Variants in HS6ST2 observed in about 807,000 individuals in gnomAD.
HS6ST2 encodes the protein heparan-sulfate 6-O-sulfotransferase 2.
In HS6ST2, 17 loss-of-function variants were observed where a neutral mutation model predicts 33.0. The ratio of observed to expected loss-of-function variants is 0.52; its 90% CI spans 0.35 to 0.77. The LOEUF (loss-of-function observed/expected upper bound fraction) is 0.77, where lower values mean the gene tolerates loss of function less well. Ranked by LOEUF, HS6ST2 falls within the 30% of genes least tolerant of loss-of-function variation. The pLI is 0.01. For synonymous variants in HS6ST2, 248 were observed against 237.1 expected, an observed-to-expected ratio of 1.05 and a Z score of -0.42; for missense variants, 519 against 551.7, an observed-to-expected ratio of 0.94 and a Z score of 0.59.
intron 2 of HS6ST2, among the ~76,000 whole-genome samples, chrX:132,851,686 G>A (rs1366804177): frequency 2.7e-5 from 3 of 111,646 alleles, no homozygotes; most frequent in Non-Finnish European, 3.8e-5. Flanking sequence ...TCCATAAGGG[G>A]AAGAAAATTG....
chrX:132,856,760 T>C (rs1465418657), intron 2 of HS6ST2, among the ~76,000 whole-genome samples: 8 of 111,016 alleles, frequency 7.2e-5, no homozygotes, highest in Non-Finnish European at 1.3e-4. Flanking sequence ...AAAAACAACA[T>C]CCCCAAAATA....
In HS6ST2 at chrX:132,958,468, C is replaced by G. The variant is rs1488939688; in HGVS notation, c.135G>C (p.Ser45=). The G allele has an allele frequency of 1.7e-6, 2 of 1,195,363 alleles. No individual in the cohort carries two copies. Among genetic ancestry groups the G allele is most frequent in the African/African-American group, 1.7e-5 (1 of 57,150 alleles). The change falls in exon 1 of 5, where the codon TCG becomes TCC. Residue 45 remains serine, a synonymous_variant. Coordinates refer to ENST00000370833, the MANE Select transcript of HS6ST2 (RefSeq NM_001394073.1). The part of the protein sequence containing the change: ...EAELAASRPG[S]VAASVRAGPP... ...GGCCCGCGCGAACTGAGGCGGCGAC[C>G]GACCCGGGCCGGCTCGCTGCCAATT...
At position 132,837,925 on chromosome X, in the gene HS6ST2, A is replaced by G. The variant is rs188858261; in HGVS notation, c.947+118883T>C. Among the ~76,000 whole-genome samples the G allele has an allele frequency of 2.0e-3, 222 of 112,043 alleles. 1 individual carries two copies. Among genetic ancestry groups the G allele is most frequent in the African/African-American group, 7.0e-3 (215 of 30,802 alleles). ...TGTGAACAATTAACATGAGACGCAA[A>G]TAGCCATAATAAATACATATTTTTT... On this transcript the variant is annotated intron_variant, in intron 2 of 4. Coordinates refer to ENST00000370833, the MANE Select transcript of HS6ST2 (RefSeq NM_001394073.1).
At chrX:132,731,474 A>G (rs1035158897) in intron 2 of HS6ST2, among the ~76,000 whole-genome samples, 8 of 111,420 alleles carry the variant, frequency 7.2e-5, no homozygotes, top group Non-Finnish European at 1.5e-4. Context: ...GACCCCTAAG[A>G]TACATCCCGA....
chrX:132,638,938 T>G (rs243447), intron 4 of HS6ST2, among the ~76,000 whole-genome samples: 1 of 111,906 alleles, frequency 8.9e-6, no homozygotes, highest in Admixed American at 9.5e-5. Flanking sequence ...CCTTCATTCA[T>G]TGATTCTTTT....
At chrX:132,917,302 A>G (rs2066603733) in intron 2 of HS6ST2, among the ~76,000 whole-genome samples, 1 of 111,999 alleles carries the variant, frequency 8.9e-6, no homozygotes, top group South Asian at 3.8e-4. Flanking sequence ...CATATTCAAA[A>G]CATGACCATG....
At chrX:132,808,605 A>AG (rs2065309413) in intron 2 of HS6ST2, 1 of 112,474 alleles carries the variant, frequency 8.9e-6, no homozygotes, top group African/African-American at 3.2e-5. Context: ...TGGGGTCAAG[A>AG]TCAAATTCCT....
At chrX:132,668,650 C>G (rs1266404037) in intron 4 of HS6ST2, among the ~76,000 whole-genome samples, 1 of 111,821 alleles carries the variant, frequency 8.9e-6, no homozygotes, top group Non-Finnish European at 1.9e-5. Context: ...ATGGTTAAAA[C>G]ATAAATGTAC....
At chrX:132,821,063 C>G (rs1276814995) in intron 2 of HS6ST2, among the ~76,000 whole-genome samples, 1 of 110,493 alleles carries the variant, frequency 9.1e-6, no homozygotes, top group Non-Finnish European at 1.9e-5. Flanking sequence ...CTCATCACCT[C>G]CCCCCACCAT....
chrX:132,780,012 G>GC (rs1405167187), intron 2 of HS6ST2, among the ~76,000 whole-genome samples: 1 of 111,194 alleles, frequency 9.0e-6, no homozygotes, highest in Non-Finnish European at 1.9e-5. Flanking sequence ...ACATCTGTGA[G>GC]CTGCATTTCT....
At chrX:132,786,970 A>C (rs1416257951) in intron 2 of HS6ST2, among the ~76,000 whole-genome samples, 1 of 105,393 alleles carries the variant, frequency 9.5e-6, no homozygotes, top group East Asian at 3.0e-4. Context: ...TTGGATCCAC[A>C]TATTGTCTCT....
At chrX:132,704,217 A>C (rs781074034) in intron 3 of HS6ST2, among the ~76,000 whole-genome samples, 1 of 112,307 alleles carries the variant, frequency 8.9e-6, no homozygotes, top group African/African-American at 3.2e-5. Flanking sequence ...TGCGTTTCTT[A>C]AACAAAACAC....
intron 4 of HS6ST2, among the ~76,000 whole-genome samples, chrX:132,641,268 C>T (rs771243304): frequency 1.8e-5 from 2 of 112,285 alleles, no homozygotes; most frequent in African/African-American, 6.5e-5. Context: ...CTTAGCCTCC[C>T]GAGTAGCTGG....
intron 2 of HS6ST2, among the ~76,000 whole-genome samples, chrX:132,900,518 A>G (rs942939890): frequency 9.0e-6 from 1 of 110,979 alleles, no homozygotes; most frequent in Non-Finnish European, 1.9e-5. Context: ...GAGTTCAAAA[A>G]CAGCCTAGGC....
chrX:132,956,310 G>A (rs756145049), intron 2 of HS6ST2, among the ~76,000 whole-genome samples: 1 of 106,910 alleles, frequency 9.4e-6, no homozygotes, highest in African/African-American at 3.4e-5. Flanking sequence ...ACACAAGAGA[G>A]AAAGAGGGAG....
At chrX:132,773,082 TTTACAA>T (rs1416518263) in intron 2 of HS6ST2, among the ~76,000 whole-genome samples, 1 of 95,666 alleles carries the variant, frequency 1.0e-5, no homozygotes, top group African/African-American at 3.8e-5. Context: ...TATTTATAGA[TTTACAA>T]TCTATAAATA....
chrX:132,838,260 G>A (rs1448046109), intron 2 of HS6ST2, among the ~76,000 whole-genome samples: 1 of 111,769 alleles, frequency 8.9e-6, no homozygotes, highest in Non-Finnish European at 1.9e-5. Flanking sequence ...TTTACTGCCA[G>A]AGAGTCATCA....
At chrX:132,725,748 C>T (rs763882935) in intron 2 of HS6ST2, among the ~76,000 whole-genome samples, 1 of 111,872 alleles carries the variant, frequency 8.9e-6, no homozygotes, top group Non-Finnish European at 1.9e-5. Context: ...TAGCTAAAAT[C>T]TGGAAGCAAC....
At chrX:132,716,542 CTG>C (rs2064275152) in intron 2 of HS6ST2, among the ~76,000 whole-genome samples, 1 of 112,176 alleles carries the variant, frequency 8.9e-6, no homozygotes, top group South Asian at 3.8e-4. Context: ...ACTTCTTCAA[CTG>C]AAACTTGACA....
Sources: allele counts gnomAD v4.1 joint callset (sites outside exome capture counted in the v4.1 genomes callset), GRCh38; gene constraint gnomAD v4.1.1; transcripts MANE v1.5; gene names NCBI Gene and HGNC (gene_info 2026-07-23, HGNC 2026-07-21).